The following HRNR variants were observed in gnomAD, a reference collection of about 807,000 sequenced individuals.
The protein encoded by HRNR is hornerin, also known as filaggrin family member 3.
Under a neutral mutation model 4.8 loss-of-function variants are expected in HRNR, and 7 were observed. That is an observed-to-expected ratio of 1.47 (90% CI 0.83 to 2.75). HRNR has a LOEUF of 2.75. Among genes scored for constraint, HRNR ranks in the 30% most tolerant of loss-of-function variants. The pLI is 0.00. For synonymous variants in HRNR, 1,023 were observed against 1,242.7 expected, an observed-to-expected ratio of 0.82 and a Z score of 3.72; for missense variants, 2,879 against 3,010.4, an observed-to-expected ratio of 0.96 and a Z score of 1.02.
Position 152,220,911 on chromosome 1 carries a change from G to T in HRNR, c.718C>A (p.Gln240Lys). 1.2e-6 allele frequency: 2 copies of T among 1,614,192 alleles called. No homozygotes were observed. Among genetic ancestry groups the T allele is most frequent in the South Asian group, 2.2e-5 (2 of 91,090 alleles). ...GFSQHKSSSGQSSGYSQHGSG... is the reference protein window; with the variant it reads ...GFSQHKSSSGKSSGYSQHGSG... ...CCATGCTGACTGTAACCAGAGGACT[G>T]CCCTGAGCTAGACTTGTGTTGACTA... is the stretch of plus-strand genomic sequence containing the variant. Residue 240 changes from glutamine to lysine, a missense_variant, in exon 3 of 3, where the codon CAG becomes AAG. Around this residue, in one of 8 missense-constraint regions of HRNR, gnomAD observed 2,646 missense variants for 1,377.7 expected, o/e 1.92. Transcript: ENST00000368801.
chr1:152,220,588 G>T lies in HRNR; in HGVS notation c.1041C>A (p.Gly347=). 6.2e-7 allele frequency: 1 copy of T among 1,608,264 alleles called. No homozygotes were observed. The highest frequency in any genetic ancestry group is 8.5e-7 in the Non-Finnish European group (1 of 1,175,796). The change falls in exon 3 of 3, where the codon GGC becomes GGA. Residue 347 remains glycine (G), a synonymous_variant. Transcript: ENST00000368801. The stretch of plus-strand genomic sequence containing the variant: ...CTGAGCCAGACTCATGTTGCCCAAA[G>T]CCAGAAGTCTGGCCTGAGCCAGACT... ...HYESGSGQTS[G]FGQHESGSGQ...
chr1:152,215,938 G>C lies in HRNR; in HGVS notation c.5691C>G (p.Tyr1897Ter), dbSNP rs769603661. 1 of 1,607,434 alleles carries C rather than the reference G, an allele frequency of 6.2e-7. No homozygotes were observed. The highest frequency in any genetic ancestry group is 1.4e-5 in the African/African-American group (1 of 72,238). The change falls in exon 3 of 3, where the codon TAC (tyrosine) becomes TAG (stop). Residue 1897 changes from tyrosine (Y) to a stop codon, truncating the protein, a stop_gained. Coordinates refer to ENST00000368801, the MANE Select transcript of HRNR (RefSeq NM_001009931.3). LOFTEE classifies it low-confidence loss of function (END_TRUNC). ...HGSGSGHSSS[Y>*]EQHGSRSGQS... ...GTCCTGACCTAGAGCCGTGTTGTTC[G>C]TAGCTGGAGGAGTGACCTGAGCCAG...
rs777820598 is a variant in HRNR, at chr1:152,218,535, C to T, written c.3094G>A (p.Gly1032Arg). The T allele has an allele frequency of 6.2e-7, 1 of 1,613,920 alleles. No individual in the cohort carries two copies. The highest frequency in any genetic ancestry group is 8.5e-7 in the Non-Finnish European group (1 of 1,180,000). The change falls in exon 3 of 3, where the codon GGG (glycine) becomes AGG (arginine). Residue 1032 changes from glycine (G) to arginine (R), a missense_variant. This residue lies in a region of HRNR where 2,646 missense variants were observed against 1,377.7 expected (regional missense o/e 1.92). Coordinates refer to ENST00000368801, the MANE Select transcript of HRNR (RefSeq NM_001009931.3). ...TATGGGCCACGGCTTGAAGACCACC[C>T]TGAGCCAGACCTATATGGGCCATAG... ...SSYGPYRSGS[G>R]WSSSRGPYES...
chr1:152,219,596 T>C lies in HRNR; in HGVS notation c.2033A>G (p.His678Arg), dbSNP rs149122492. 8 of 1,612,390 alleles carry C rather than the reference T, an allele frequency of 5.0e-6. No individual in the cohort carries two copies. The African/African-American group carries it at 5.4e-5, about 11-fold the overall frequency. ...DFGHSSSYGQHGSGSGWSSSN... is the reference protein window; with the variant it reads ...DFGHSSSYGQRGSGSGWSSSN... Reference sequence around the variant, plus strand: ...TGAAGACCAACCGGAGCCAGACCCATGTTGGCCGTAGCTGGAAGAGTGCCC... The same window carrying C: ...TGAAGACCAACCGGAGCCAGACCCACGTTGGCCGTAGCTGGAAGAGTGCCC... The change falls in exon 3 of 3, where the codon CAT becomes CGT. Residue 678 changes from histidine to arginine, a missense_variant. Around this residue, in one of 8 missense-constraint regions of HRNR, gnomAD observed 2,646 missense variants for 1,377.7 expected, o/e 1.92. Transcript: ENST00000368801.
Position 152,221,416 on chromosome 1 carries a change from A to G in HRNR, c.213T>C (p.Phe71=). 1 of 1,613,540 alleles carries G rather than the reference A, an allele frequency of 6.2e-7. No individual in the cohort carries two copies. The highest frequency in any genetic ancestry group is 1.1e-5 in the South Asian group (1 of 90,946). The change falls in exon 3 of 3, where the codon TTT becomes TTC. Residue 71 remains phenylalanine (F), a synonymous_variant. Coordinates refer to ENST00000368801, the MANE Select transcript of HRNR (RefSeq NM_001009931.3). ...TGAATATCATCAGAAGATACTCAGTAAAATCCACTTTCTTGTTATGGTCTC... is the reference window on the plus strand; with the variant it reads ...TGAATATCATCAGAAGATACTCAGTGAAATCCACTTTCTTGTTATGGTCTC... ...LDRDHNKKVD[F]TEYLLMIFKL...
chr1:152,219,047 G>T lies in HRNR; in HGVS notation c.2582C>A (p.Ser861Ter), dbSNP rs746240460. 1 of 1,613,918 alleles carries T rather than the reference G, an allele frequency of 6.2e-7. No individual in the cohort carries two copies. Among genetic ancestry groups the T allele is most frequent in the Non-Finnish European group, 8.5e-7 (1 of 1,179,998 alleles). Reference sequence around the variant, plus strand: ...CTGACCATAGCTGGAAGATTGACCTGAGCTAGAGTCATGTTGGCCGGAGCT... The same window carrying T: ...CTGACCATAGCTGGAAGATTGACCTTAGCTAGAGTCATGTTGGCCGGAGCT... ...SSSSGQHDSS[S>*]GQSSSYGQHE... Residue 861 changes from serine (S) to a stop codon, truncating the protein, a stop_gained, in exon 3 of 3, where the codon TCA becomes TAA. Transcript: ENST00000368801. LOFTEE classifies it low-confidence loss of function (END_TRUNC).
Position 152,219,413 on chromosome 1 carries a change from C to T in HRNR, c.2216G>A (p.Ser739Asn), listed in dbSNP as rs896881533. Residue 739 changes from serine (S) to asparagine (N), a missense_variant, in exon 3 of 3, where the codon AGT (serine) becomes AAT (asparagine). Physicochemically the swap from Ser to Asn is conservative, Grantham distance 46. Transcript: ENST00000368801. The part of the protein sequence containing the change: ...HGSRSGQSSR[S>N]EQHGSSSGLS... ...ACCTGAGCTAGATCCGTGTTGTTCA[C>T]TCCTAGATGACTGTCCTGACCTAGA... is the stretch of plus-strand genomic sequence containing the variant. 2 of 1,614,054 alleles carry T rather than the reference C, an allele frequency of 1.2e-6. No individual in the cohort carries two copies. Among genetic ancestry groups the T allele is most frequent in the Non-Finnish European group, 1.7e-6 (2 of 1,180,004 alleles).
In HRNR at chr1:152,213,266, T is replaced by C. The variant is rs372901238; in HGVS notation, c.8363A>G (p.His2788Arg). 4 of 1,599,722 alleles carry C rather than the reference T, an allele frequency of 2.5e-6. No individual in the cohort carries two copies. Among genetic ancestry groups the C allele is most frequent in the Admixed American group, 1.7e-5 (1 of 59,118 alleles). ...GSGQSSSYGQ[H>R]GSGSGQSSGY... ...AGAGGACTGTCCTGAGCCAGACCCA[T>C]GTTGGCCGTAGCTGGAAGACTGCCC... Residue 2788 changes from histidine (H) to arginine (R), a missense_variant, in exon 3 of 3, where the codon CAT (histidine) becomes CGT (arginine). Around this residue, in one of 8 missense-constraint regions of HRNR, gnomAD observed 158 missense variants for 107.6 expected, o/e 1.47. Transcript: ENST00000368801.
In HRNR at chr1:152,220,766, G is replaced by A; in HGVS notation, c.863C>T (p.Ser288Phe). Residue 288 changes from serine (S) to phenylalanine (F), a missense_variant, in exon 3 of 3, where the codon TCT becomes TTT. By Grantham distance (155) the Ser-to-Phe change is radical (BLOSUM62 -2). Coordinates refer to ENST00000368801, the MANE Select transcript of HRNR (RefSeq NM_001009931.3). ...GSSSSYGQHG[S>F]GSRQSLGHGR... ...GTGGCCCAAAGACTGACGGGAACCA[G>A]ACCCATGCTGACCATAGCTGGAAGA... 1 of 1,614,204 alleles carries A rather than the reference G, an allele frequency of 6.2e-7. No homozygotes were observed. The highest frequency in any genetic ancestry group is 8.5e-7 in the Non-Finnish European group (1 of 1,180,042).
chr1:152,219,233 C>G lies in HRNR; in HGVS notation c.2396G>C (p.Ser799Thr), dbSNP rs6662450. The G allele has an allele frequency of 0.78, 1,260,175 of 1,613,818 alleles. 505,200 individuals carry two copies. Among genetic ancestry groups the G allele is most frequent in the Non-Finnish European group, 0.84 (992,736 of 1,179,984 alleles). Residue 799 changes from serine (S) to threonine (T), a missense_variant, in exon 3 of 3, where the codon AGT becomes ACT. Physicochemically the swap from Ser to Thr is moderately conservative, Grantham distance 58 (BLOSUM62 1). Around this residue, in one of 8 missense-constraint regions of HRNR, gnomAD observed 2,646 missense variants for 1,377.7 expected, o/e 1.92. Coordinates refer to ENST00000368801, the MANE Select transcript of HRNR (RefSeq NM_001009931.3). The stretch of plus-strand genomic sequence containing the variant: ...ATAATGGCCACAGCTGGAAGAACAA[C>G]TTGTGCCAGACCCGTGTTGGCCGTG... ...SSHGQHGSGT[S>T]CSSSCGHYES...
Position 152,219,806 on chromosome 1 carries a change from G to A in HRNR, c.1823C>T (p.Ser608Phe). 6.2e-7 allele frequency: 1 copy of A among 1,612,322 alleles called. No homozygotes were observed. Among genetic ancestry groups the A allele is most frequent in the Non-Finnish European group, 8.5e-7 (1 of 1,178,770 alleles). The change falls in exon 3 of 3, where the codon TCT becomes TTT. Residue 608 changes from serine to phenylalanine, a missense_variant. Ser to Phe is a radical substitution (Grantham distance 155). This residue lies in a region of HRNR where 2,646 missense variants were observed against 1,377.7 expected (regional missense o/e 1.92). Transcript: ENST00000368801. ...GQHGSSSGHS[S>F]THGQHGSTSG... The stretch of plus-strand genomic sequence containing the variant: ...TGTAGAACCATGTTGCCCATGGGTA[G>A]AGGAATGACCCGAGCTAGATCCGTG...
In HRNR at chr1:152,221,342, AC is replaced by A. The variant is rs1301851976; in HGVS notation, c.286del (p.Val96PhefsTer6). ...NKIIGKDYCQ[V>X]SGSKLRDDTH... ...GTCATCTCTCAGCTTTGACCCTGAAACTTGGCAGTAATCTTTGCCAATGATT... is the reference window on the plus strand; with the variant it reads ...GTCATCTCTCAGCTTTGACCCTGAAATTGGCAGTAATCTTTGCCAATGATT... On this transcript the variant is annotated frameshift_variant, in exon 3 of 3. Transcript: ENST00000368801. LOFTEE classifies it low-confidence loss of function (END_TRUNC). 6.2e-7 allele frequency: 1 copy of A among 1,613,938 alleles called. No individual in the cohort carries two copies. Among genetic ancestry groups the A allele is most frequent in the South Asian group, 1.1e-5 (1 of 91,080 alleles).
chr1:152,218,780 C>T lies in HRNR; in HGVS notation c.2849G>A (p.Gly950Asp), dbSNP rs755677565. ...TTCGTAGCTGGAGGAGTGACCTGAG[C>T]CAGATCCATGCTGAGTGTAACCAGA... ...QSSGYTQHGS[G>D]SGHSSSYEQH... Residue 950 changes from glycine (G) to aspartate (D), a missense_variant, in exon 3 of 3, where the codon GGC becomes GAC. Physicochemically the swap from Gly to Asp is moderately conservative, Grantham distance 94 (BLOSUM62 -1). Around this residue, in one of 8 missense-constraint regions of HRNR, gnomAD observed 2,646 missense variants for 1,377.7 expected, o/e 1.92. Coordinates refer to ENST00000368801, the MANE Select transcript of HRNR (RefSeq NM_001009931.3). 9.9e-6 allele frequency: 16 copies of T among 1,613,524 alleles called. No individual in the cohort carries two copies. Among genetic ancestry groups the T allele is most frequent in the Admixed American group, 5.0e-5 (3 of 59,964 alleles).
chr1:152,212,618 C>A lies in HRNR; in HGVS notation c.*458G>T. Reference sequence around the variant, plus strand: ...ATACCAAAAATTGGGACACACCAAACTTGGGGCACACTAAAAATTAGGGTA... The same window carrying A: ...ATACCAAAAATTGGGACACACCAAAATTGGGGCACACTAAAAATTAGGGTA... On this transcript the variant is annotated 3_prime_UTR_variant, in exon 3 of 3. Transcript: ENST00000368801. The A allele has an allele frequency of 5.7e-6, 1 of 174,962 alleles. No homozygotes were observed. Among genetic ancestry groups the A allele is most frequent in the Non-Finnish European group, 1.2e-5 (1 of 82,276 alleles). The allele number at this position is 174,962 out of a possible 1,614,324, so 10.8% of individuals were successfully genotyped here. A position where few individuals can be genotyped will look rare whatever the true frequency, so the allele number is the denominator to read the frequency against.
chr1:152,220,255 A>T lies in HRNR; in HGVS notation c.1374T>A (p.Gly458=). 1 of 1,612,014 alleles carries T rather than the reference A, an allele frequency of 6.2e-7. No individual in the cohort carries two copies. The highest frequency in any genetic ancestry group is 1.1e-5 in the South Asian group (1 of 90,946). ...GACCAAAGCCAGAAGAGTAGCCTGA[A>T]CCAGACACATATGGGCCACTGCTGG... ...RSSSSGPYVS[G]SGYSSGFGHH... The change falls in exon 3 of 3, where the codon GGT becomes GGA. Residue 458 remains glycine, a synonymous_variant. Transcript: ENST00000368801.
rs140949698 is a variant in HRNR, at chr1:152,219,895, G to A, written c.1734C>T (p.Ser578=). ...SSSRGPYESG[S]GHSSGLGHQE... ...GGTGACCTAAGCCAGAAGAGTGACC[G>A]GAGCCAGACTCATATGGGCCACGGC... is the stretch of plus-strand genomic sequence containing the variant. The change falls in exon 3 of 3, where the codon TCC becomes TCT. Residue 578 remains serine, a synonymous_variant. Coordinates refer to ENST00000368801, the MANE Select transcript of HRNR (RefSeq NM_001009931.3). 4.7e-5 allele frequency: 76 copies of A among 1,612,480 alleles called. No homozygotes were observed. The highest frequency in any genetic ancestry group is 1.7e-4 in the Middle Eastern group (1 of 6,046).
rs759216763 is a variant in HRNR at position 152,219,403 on chromosome 1, GTGT to G, written c.2223_2225del (p.Gln741del). ...TGGAAGACAAACCTGAGCTAGATCCGTGTTGTTCACTCCTAGATGACTGTCCTG... is the reference window on the plus strand; with the variant it reads ...TGGAAGACAAACCTGAGCTAGATCCGTGTTCACTCCTAGATGACTGTCCTG... On this transcript the variant is annotated inframe_deletion, in exon 3 of 3. Coordinates refer to ENST00000368801, the MANE Select transcript of HRNR (RefSeq NM_001009931.3). 8 of 1,613,894 alleles carry G rather than the reference GTGT, an allele frequency of 5.0e-6. No homozygotes were observed. The East Asian group carries it at 6.7e-5, about 14-fold the overall frequency.
intron 1 of HRNR, among the ~76,000 whole-genome samples, chr1:152,223,777 A>C (rs1649079111): frequency 6.6e-6 from 1 of 152,192 alleles, no homozygotes; most frequent in South Asian, 2.1e-4. Context: ...GGTGATATGA[A>C]GCTAAGGGTA....
rs772462714 is a variant in HRNR at position 152,219,907 on chromosome 1, A to G, written c.1722T>C (p.Tyr574=). 1.2e-6 allele frequency: 2 copies of G among 1,613,658 alleles called. No individual in the cohort carries two copies. Among genetic ancestry groups the G allele is most frequent in the African/African-American group, 2.7e-5 (2 of 74,832 alleles). Residue 574 remains tyrosine (Y), a synonymous_variant, in exon 3 of 3, where the codon TAT becomes TAC. Coordinates refer to ENST00000368801, the MANE Select transcript of HRNR (RefSeq NM_001009931.3). ...CAGAAGAGTGACCGGAGCCAGACTCATATGGGCCACGGCTTGAAGACCTCC... is the reference window on the plus strand; with the variant it reads ...CAGAAGAGTGACCGGAGCCAGACTCGTATGGGCCACGGCTTGAAGACCTCC... ...GSGRSSSRGP[Y]ESGSGHSSGL... is the part of the protein sequence containing the mutation.
Sources: gnomAD v4.1 joint callset for allele counts (sites outside exome capture counted in the v4.1 genomes callset) on GRCh38, gnomAD v4.1.1 for gene constraint, gnomAD v4.1.1 regional missense constraint, MANE v1.5 for transcripts, NCBI Gene and HGNC (gene_info 2026-07-23, HGNC 2026-07-21) for gene names.